TSHR: variants seen among roughly 807,000 people sequenced by gnomAD.
TSHR encodes thyroid stimulating hormone receptor.
Under a neutral mutation model 64.1 loss-of-function variants are expected in TSHR, and 51 were observed. That is an observed-to-expected ratio of 0.80 (90% confidence interval 0.64 to 1.01). The LOEUF (loss-of-function observed/expected upper bound fraction) is 1.01. Among genes scored for constraint, TSHR ranks in the 50% least tolerant of loss-of-function variants. TSHR has a pLI of 0.00. For missense variants in TSHR, 877 were observed against 942.8 expected, an observed-to-expected ratio of 0.93 and a Z score of 0.91; for synonymous variants, 361 against 361.9, an observed-to-expected ratio of 1.00 and a Z score of 0.03.
Position 80,973,403 on chromosome 14 carries a change from C to CAAAAAAAAAAAAAAAAAAA in TSHR, c.170+17561_170+17579dup, listed in dbSNP as rs58316010. Among the ~76,000 whole-genome samples, 162 of 51,442 alleles carry CAAAAAAAAAAAAAAAAAAA rather than the reference C, an allele frequency of 3.1e-3. 36 individuals carry two copies. Among genetic ancestry groups the CAAAAAAAAAAAAAAAAAAA allele is most frequent in the East Asian group, 8.0e-3 (13 of 1,620 alleles). The allele number at this position is 51,442 out of a possible 152,430, so 33.7% of individuals were successfully genotyped here. On this transcript the variant is annotated intron_variant, in intron 1 of 9. Transcript: ENST00000298171. ...CCCGGGTGACAGCGAGACGCTGTCT[C>CAAAAAAAAAAAAAAAAAAA]AAAAAAAAAAAAAAAAAAAAAAAAA...
chr14:80,958,513 G>A (rs17544306), intron 1 of TSHR, among the ~76,000 whole-genome samples: 3,840 of 152,122 alleles, frequency 0.025, 103 homozygotes, highest in Non-Finnish European at 0.04. Context: ...TGATAACCTC[G>A]GGGGCTATTC....
intron 3 of TSHR, among the ~76,000 whole-genome samples, chr14:81,075,198 C>T (rs1887408839): frequency 4.6e-5 from 7 of 152,190 alleles, no homozygotes; most frequent in Admixed American, 4.6e-4. Flanking sequence ...AATCTAGCTG[C>T]TTCTATACCT....
At chr14:81,127,173 A>G (rs1891051975) in intron 8 of TSHR, among the ~76,000 whole-genome samples, 1 of 152,228 alleles carries the variant, frequency 6.6e-6, no homozygotes, top group African/African-American at 2.4e-5. Flanking sequence ...AATTAGGCAC[A>G]CAGTTCTTCC....
At chr14:81,081,109 G>C (rs1381776944) in intron 3 of TSHR, among the ~76,000 whole-genome samples, 1 of 152,140 alleles carries the variant, frequency 6.6e-6, no homozygotes, top group Non-Finnish European at 1.5e-5. Flanking sequence ...TCAGGGATTT[G>C]AGGCTGTAGT....
chr14:81,077,126 C>T (rs1887562491), intron 3 of TSHR, among the ~76,000 whole-genome samples: 1 of 152,152 alleles, frequency 6.6e-6, no homozygotes, highest in African/African-American at 2.4e-5. Flanking sequence ...ACTTCTGCAT[C>T]TAAGTTAGAT....
chr14:81,027,338 G>T (rs1361050441), intron 1 of TSHR, among the ~76,000 whole-genome samples: 13 of 151,882 alleles, frequency 8.6e-5, no homozygotes, highest in Admixed American at 8.5e-4. Flanking sequence ...TGAAATAAGA[G>T]ATTTGAATCT....
At chr14:81,127,130 A>T (rs747505166) in intron 8 of TSHR, among the ~76,000 whole-genome samples, 1 of 152,248 alleles carries the variant, frequency 6.6e-6, no homozygotes, top group Non-Finnish European at 1.5e-5. Flanking sequence ...TGAATAAATA[A>T]CAGAAACACA....
intron 4 of TSHR, among the ~76,000 whole-genome samples, chr14:81,089,212 T>C (rs1888533541): frequency 6.6e-6 from 1 of 152,124 alleles, no homozygotes; most frequent in Non-Finnish European, 1.5e-5. Context: ...GGTGTCGAAC[T>C]CCTGACCTCA....
At chr14:81,112,113 CAAAGATGAG>C (rs2140040656) in intron 8 of TSHR, among the ~76,000 whole-genome samples, 1 of 152,202 alleles carries the variant, frequency 6.6e-6, no homozygotes, top group Non-Finnish European at 1.5e-5. Flanking sequence ...TGGAAAGTGA[CAAAGATGAG>C]GAGTTATACC....
chr14:81,044,648 A>C (rs367971446), intron 1 of TSHR, among the ~76,000 whole-genome samples: 2 of 118,492 alleles, frequency 1.7e-5, no homozygotes, highest in African/African-American at 6.5e-5. Flanking sequence ...ACAGAGCAAG[A>C]CTCTGTCTCA....
chr14:81,015,233 T>G (rs1222489628), intron 1 of TSHR, among the ~76,000 whole-genome samples: 1 of 152,274 alleles, frequency 6.6e-6, no homozygotes, highest in East Asian at 1.9e-4. Context: ...TCTAGAAAGT[T>G]TCTTTGAAAA....
At chr14:80,992,591 C>A (rs910839007) in intron 1 of TSHR, 1 of 151,812 alleles carries the variant, frequency 6.6e-6, no homozygotes, top group Non-Finnish European at 1.5e-5. Context: ...TTCATATGAC[C>A]CCCCCAAACC....
chr14:81,069,516 A>C (rs1195258465), intron 3 of TSHR, among the ~76,000 whole-genome samples: 1 of 152,192 alleles, frequency 6.6e-6, no homozygotes, highest in East Asian at 1.9e-4. Flanking sequence ...AATCCCAAAA[A>C]CATCATTTGG....
chr14:81,101,052 T>C (rs998714711), intron 7 of TSHR, among the ~76,000 whole-genome samples: 1 of 152,196 alleles, frequency 6.6e-6, no homozygotes, highest in Non-Finnish European at 1.5e-5. Flanking sequence ...TGAAGCTATC[T>C]AGGGATTGAC....
At chr14:81,137,241 G>A (rs950030458) in intron 8 of TSHR, among the ~76,000 whole-genome samples, 3 of 152,106 alleles carry the variant, frequency 2.0e-5, no homozygotes, top group African/African-American at 7.2e-5. Context: ...GTGATCCCTG[G>A]ACTAGAAATG....
intron 1 of TSHR, among the ~76,000 whole-genome samples, chr14:81,000,290 T>C (rs1381130467): frequency 1.2e-5 from 1 of 81,524 alleles, no homozygotes; most frequent in Non-Finnish European, 2.6e-5. Context: ...TTCCGGTTCT[T>C]TAACTTAACA....
intron 3 of TSHR, among the ~76,000 whole-genome samples, chr14:81,081,436 G>T (rs141863310): frequency 1.3e-5 from 2 of 152,028 alleles, no homozygotes; most frequent in Non-Finnish European, 2.9e-5. Context: ...CAGAGCTTCC[G>T]CCCCCTCCCT....
At chr14:81,082,456 A>G (rs1258567377) in intron 3 of TSHR, among the ~76,000 whole-genome samples, 1 of 152,180 alleles carries the variant, frequency 6.6e-6, no homozygotes, top group East Asian at 1.9e-4. Context: ...CTTTTGTGAA[A>G]TGTGTATAAA....
intron 1 of TSHR, among the ~76,000 whole-genome samples, chr14:80,964,965 A>C (rs937428185): frequency 6.6e-6 from 1 of 152,196 alleles, no homozygotes; most frequent in Admixed American, 6.5e-5. Context: ...AGAATGAACA[A>C]AGGAATGAAC....
Sources: gnomAD v4.1 joint callset for allele counts (sites outside exome capture counted in the v4.1 genomes callset) on GRCh38, gnomAD v4.1.1 for gene constraint, MANE v1.5 for transcripts, NCBI Gene and HGNC (gene_info 2026-07-23, HGNC 2026-07-21) for gene names.